SYNPR: variants seen among roughly 807,000 people sequenced by gnomAD.
SYNPR encodes the protein synaptoporin.
Under a neutral mutation model 32.9 loss-of-function variants are expected in SYNPR, and 23 were observed. The ratio of observed to expected loss-of-function variants is 0.70; its 90% CI spans 0.50 to 0.99. The LOEUF is 0.99. SYNPR is among the 50% of genes least tolerant of loss of function. The probability of loss-of-function intolerance (pLI) is 0.00; values close to 1 mark genes in which losing one functional copy is unlikely to be tolerated. For missense variants in SYNPR, 318 were observed against 349.3 expected (o/e 0.91, Z 0.71); for synonymous variants, 146 against 135.9 (o/e 1.07, Z -0.52).
chr3:63,303,559 G>A (rs951138827), intron 2 of SYNPR, among the ~76,000 whole-genome samples: 1 of 152,030 alleles, frequency 6.6e-6, no homozygotes, highest in Non-Finnish European at 1.5e-5. Context: ...GGGTCAGACA[G>A]ACTCACATTC....
chr3:63,256,277 T>C (rs1198000334), intron 2 of SYNPR, among the ~76,000 whole-genome samples: 4 of 152,150 alleles, frequency 2.6e-5, no homozygotes, highest in Admixed American at 6.5e-5. Flanking sequence ...CCTCCTCAAG[T>C]GTGTCCATGA....
intron 4 of SYNPR, among the ~76,000 whole-genome samples, chr3:63,595,757 A>AAC (rs1184635748): frequency 3.2e-5 from 1 of 31,004 alleles, no homozygotes; most frequent in Non-Finnish European, 4.8e-5. Context: ...ATATATATAT[A>AAC]TATATATATA....
intron 2 of SYNPR, among the ~76,000 whole-genome samples, chr3:63,478,340 T>C (rs1254097073): frequency 6.6e-6 from 1 of 152,226 alleles, no homozygotes; most frequent in Non-Finnish European, 1.5e-5. Context: ...GATTTGTTTT[T>C]ATATCCTTCA....
At chr3:63,549,727 AC>A (rs1702468841) in intron 3 of SYNPR, among the ~76,000 whole-genome samples, 1 of 152,176 alleles carries the variant, frequency 6.6e-6, no homozygotes, top group South Asian at 2.1e-4. Context: ...TCCAGACCCT[AC>A]AAACGTAACT....
intron 2 of SYNPR, among the ~76,000 whole-genome samples, chr3:63,369,927 T>C (rs2087774986): frequency 6.6e-6 from 1 of 152,208 alleles, no homozygotes; most frequent in Non-Finnish European, 1.5e-5. Flanking sequence ...CCAAAGATTC[T>C]TGGAGCTTCT....
chr3:63,286,660 C>T (rs6777083), intron 2 of SYNPR, among the ~76,000 whole-genome samples: 70,593 of 152,008 alleles, frequency 0.46, 16,572 homozygotes, highest in Middle Eastern at 0.52. Context: ...CACAGAACCA[C>T]GGTCTTCCTT....
intron 4 of SYNPR, among the ~76,000 whole-genome samples, chr3:63,572,580 C>G (rs1019717237): frequency 5.9e-5 from 9 of 152,044 alleles, no homozygotes; most frequent in Non-Finnish European, 4.4e-5. Flanking sequence ...AAATTAAATG[C>G]TGTCTCATCA....
intron 2 of SYNPR, among the ~76,000 whole-genome samples, chr3:63,452,648 A>G (rs1463122553): frequency 6.7e-6 from 1 of 149,444 alleles, no homozygotes; most frequent in East Asian, 1.9e-4. Flanking sequence ...CAGCACCATG[A>G]AAGATCACTA....
intron 2 of SYNPR, among the ~76,000 whole-genome samples, chr3:63,458,019 C>G (rs955997430): frequency 6.6e-6 from 1 of 152,096 alleles, no homozygotes; most frequent in Non-Finnish European, 1.5e-5. Context: ...TTATTCTTAC[C>G]TTGTCTTCCT....
intron 2 of SYNPR, among the ~76,000 whole-genome samples, chr3:63,328,199 C>A (rs2087187847): frequency 6.6e-6 from 1 of 152,144 alleles, no homozygotes; most frequent in Non-Finnish European, 1.5e-5. Context: ...AAATTCAACA[C>A]ACTCTCAGAA....
intron 2 of SYNPR, among the ~76,000 whole-genome samples, chr3:63,400,774 G>A (rs928402173): frequency 1.5e-4 from 23 of 152,180 alleles, no homozygotes; most frequent in Admixed American, 1.4e-3. Flanking sequence ...GCAAGTACTA[G>A]GTTAACTCAT....
At chr3:63,404,682 ATATT>A (rs1481757097) in intron 2 of SYNPR, among the ~76,000 whole-genome samples, 2 of 152,136 alleles carry the variant, frequency 1.3e-5, no homozygotes, top group Non-Finnish European at 2.9e-5. Flanking sequence ...TATTTTAATT[ATATT>A]TATTTTCAAG....
At position 63,312,702 on chromosome 3, in the gene SYNPR, G is replaced by C. The variant is rs553655784; in HGVS notation, c.84+33960G>C. Among the ~76,000 whole-genome samples the C allele has an allele frequency of 2.2e-3, 331 of 151,970 alleles. 3 individuals are homozygous for C. The highest frequency in any genetic ancestry group is 3.2e-3 in the Non-Finnish European group (215 of 67,922). On this transcript the variant is annotated intron_variant, in intron 2 of 5. Coordinates refer to ENST00000478300, the MANE Select transcript of SYNPR (RefSeq NM_001130003.2). The stretch of plus-strand genomic sequence containing the variant: ...ATGATGACCTGTCCATTGTGTTCTG[G>C]GATCCCTGCCTCTTCCATGGTGGCA...
intron 5 of SYNPR, among the ~76,000 whole-genome samples, chr3:63,611,751 T>A (rs1700202221): frequency 6.6e-6 from 1 of 152,216 alleles, no homozygotes; most frequent in Non-Finnish European, 1.5e-5. Flanking sequence ...ATGTATTTTT[T>A]AAAGACTGAA....
chr3:63,601,475 T>C (rs1700041226), intron 4 of SYNPR, among the ~76,000 whole-genome samples: 1 of 152,024 alleles, frequency 6.6e-6, no homozygotes, highest in African/African-American at 2.4e-5. Flanking sequence ...AAAAGGTAGT[T>C]TTTTGATCCT....
intron 2 of SYNPR, among the ~76,000 whole-genome samples, chr3:63,372,690 G>T (rs1404297571): frequency 6.6e-6 from 1 of 152,156 alleles, no homozygotes; most frequent in East Asian, 1.9e-4. Flanking sequence ...AAAGTCCTCT[G>T]CCACAACCAC....
At chr3:63,342,474 G>A (rs2087383267) in intron 2 of SYNPR, among the ~76,000 whole-genome samples, 1 of 152,086 alleles carries the variant, frequency 6.6e-6, no homozygotes, top group Admixed American at 6.5e-5. Context: ...ATCCTACTTG[G>A]TCATGTTGTG....
At chr3:63,204,864 T>A in the SYNPR span, among the ~76,000 whole-genome samples, 2 of 152,070 alleles carry the variant, frequency 1.3e-5, no homozygotes, top group African/African-American at 4.8e-5. Flanking sequence ...ATTTTTGTAT[T>A]TTTAGTAGAG....
chr3:63,503,987 A>G (rs751671327), intron 3 of SYNPR, among the ~76,000 whole-genome samples: 2 of 152,152 alleles, frequency 1.3e-5, no homozygotes, highest in Non-Finnish European at 2.9e-5. Flanking sequence ...TTAGTATTCC[A>G]TATTAATTTG....
Sources: allele counts gnomAD v4.1 joint callset (sites outside exome capture counted in the v4.1 genomes callset), GRCh38; gene constraint gnomAD v4.1.1; transcripts MANE v1.5; gene names NCBI Gene and HGNC (gene_info 2026-07-23, HGNC 2026-07-21).